TRIP11: variants seen among roughly 807,000 people sequenced by gnomAD.
TRIP11 encodes the protein thyroid receptor-interacting protein 11.
Under a neutral mutation model 223.1 loss-of-function variants are expected in TRIP11, and 148 were observed. The observed-to-expected ratio is 0.66, with a 90% CI of 0.58 to 0.76. The LOEUF is 0.76. TRIP11 is among the 30% of genes least tolerant of loss of function. The pLI, the probability that TRIP11 is intolerant of heterozygous loss-of-function variation, is 0.00. For synonymous variants in TRIP11, 762 were observed against 772.6 expected, an observed-to-expected ratio of 0.99 and a Z score of 0.23; for missense variants, 2,043 against 2,222.0, an observed-to-expected ratio of 0.92 and a Z score of 1.62.
At chr14:92,026,488 C>T (rs913551949) in intron 2 of TRIP11, 32 of 884,662 alleles carry the variant, frequency 3.6e-5, no homozygotes, top group Non-Finnish European at 5.4e-5. Flanking sequence ...TCGCCGCAGC[C>T]GGCAGCTTTA....
Position 92,025,878 on chromosome 14 carries a change from C to CAAAAAAAAAAAAAAAA in TRIP11, c.202-474_202-459dup, listed in dbSNP as rs372915026. On this transcript the variant is annotated intron_variant, in intron 2 of 20. Transcript: ENST00000267622. ...CTGGTGACAGAGCGAGACTCCGTCT[C>CAAAAAAAAAAAAAAAA]AAAAAAAAAAAAAAAAAGCACTGAC... Among the ~76,000 whole-genome samples, 2 of 74,056 alleles carry CAAAAAAAAAAAAAAAA rather than the reference C, an allele frequency of 2.7e-5. 1 individual carries two copies. The highest frequency in any genetic ancestry group is 9.3e-5 in the African/African-American group (2 of 21,488). The allele number at this position is 74,056 out of a possible 152,430, so 48.6% of individuals were successfully genotyped here.
At chr14:91,970,291 T>C (rs1056400837) in intron 20 of TRIP11, among the ~76,000 whole-genome samples, 2 of 152,058 alleles carry the variant, frequency 1.3e-5, no homozygotes, top group African/African-American at 4.8e-5. Flanking sequence ...CGGGCGCCTG[T>C]AATCCCAGCT....
chr14:91,990,949 T>C (rs1223672196), intron 15 of TRIP11, among the ~76,000 whole-genome samples: 2 of 152,320 alleles, frequency 1.3e-5, no homozygotes, highest in East Asian at 3.9e-4. Context: ...AGAAAGTAAG[T>C]ATAAATGGTC....
At chr14:91,974,818 A>G in intron 18 of TRIP11, 75 bp from the exon 19 acceptor site, 2 of 1,178,416 alleles carry the variant, frequency 1.7e-6, no homozygotes, top group Non-Finnish European at 2.4e-6. Flanking sequence ...CTTTTATATA[A>G]TTTCTGATAG....
rs142188412 is a variant in TRIP11 at position 91,970,088 on chromosome 14, A to G, written c.5720-195T>C. Among the ~76,000 whole-genome samples, 66 of 152,296 alleles carry G rather than the reference A, an allele frequency of 4.3e-4. 1 individual carries two copies. In the East Asian group the frequency reaches 0.013, roughly 29 times the overall value. On this transcript the variant is annotated intron_variant, in intron 20 of 20. Coordinates refer to ENST00000267622, the MANE Select transcript of TRIP11 (RefSeq NM_004239.4). ...CGGTAATAACACTGGCATCCAGCAC[A>G]TCTTTTTGGACTGGTCTTTATTCAA...
At chr14:92,031,079 G>A (rs1447298557) in intron 2 of TRIP11, among the ~76,000 whole-genome samples, 5 of 151,870 alleles carry the variant, frequency 3.3e-5, no homozygotes, top group African/African-American at 1.2e-4. Flanking sequence ...GCAAGACATC[G>A]TCTCTACAAA....
At position 91,981,369 on chromosome 14, in the gene TRIP11, T is replaced by TTATA. The variant is rs543782869; in HGVS notation, c.5261-5181_5261-5180insTATA. Among the ~76,000 whole-genome samples, 280 of 149,504 alleles carry TTATA rather than the reference T, an allele frequency of 1.9e-3. 1 individual carries two copies. Among genetic ancestry groups the TTATA allele is most frequent in the African/African-American group, 6.8e-3 (269 of 39,662 alleles). ...ACTATTTGCAATTTGAGGTTAAGCT[T>TTATA]TACAAGCATCTGTTTTGTCTTTTTT... On this transcript the variant is annotated intron_variant, in intron 16 of 20. Coordinates refer to ENST00000267622, the MANE Select transcript of TRIP11 (RefSeq NM_004239.4).
Position 91,990,323 on chromosome 14 carries a change from G to A in TRIP11, c.5161-1940C>T, listed in dbSNP as rs181572396. 1.3e-3 allele frequency among the ~76,000 whole-genome samples: 198 copies of A among 151,892 alleles called. 1 individual carries two copies. Among genetic ancestry groups the A allele is most frequent in the Non-Finnish European group, 2.2e-3 (151 of 67,966 alleles). On this transcript the variant is annotated intron_variant, in intron 15 of 20. Coordinates refer to ENST00000267622, the MANE Select transcript of TRIP11 (RefSeq NM_004239.4). ...TGAAGTTATTAAAGCTTAAATCTAC[G>A]CTTAGATTTTTTCCAAAATCAGCAT...
intron 16 of TRIP11, among the ~76,000 whole-genome samples, chr14:91,981,401 GT>G (rs80003668): frequency 0.019 from 2,807 of 146,698 alleles, 51 homozygotes; most frequent in South Asian, 0.083. Context: ...TTTTGTTGTT[GT>G]TTTTTTAGAC....
chr14:91,996,612 C>G (rs1410111051), intron 13 of TRIP11, among the ~76,000 whole-genome samples: 1 of 152,132 alleles, frequency 6.6e-6, no homozygotes, highest in Non-Finnish European at 1.5e-5. Context: ...GGCTAAAACT[C>G]TAAGATGTAA....
chr14:91,993,944 T>A (rs1364414076), intron 14 of TRIP11, 32 bp from the exon 15 acceptor site: 5 of 1,533,568 alleles, frequency 3.3e-6, no homozygotes, highest in Non-Finnish European at 3.6e-6. Context: ...CATTAGTATT[T>A]TGCAATCGTG....
intron 13 of TRIP11, among the ~76,000 whole-genome samples, chr14:91,997,628 C>T (rs996942614): frequency 7.2e-5 from 11 of 151,836 alleles, no homozygotes; most frequent in Admixed American, 2.0e-4. Context: ...GTTCACCCTT[C>T]AGGCAGAAGA....
In TRIP11 at chr14:92,037,622, C is replaced by T. The variant is rs527713627; in HGVS notation, c.139+1925G>A. ...GGTGCGGTGGCTCACGCCTGTAATC[C>T]CAGCACTCTGGGAGGCCAAGGCAGG... On this transcript the variant is annotated intron_variant, in intron 1 of 20. Transcript: ENST00000267622. The surrounding 1 kb of genome is among the most constrained non-coding windows in gnomAD (Gnocchi z 4.2). Among the ~76,000 whole-genome samples, 1 of 152,304 alleles carries T rather than the reference C, an allele frequency of 6.6e-6. No individual in the cohort carries two copies. Among genetic ancestry groups the T allele is most frequent in the South Asian group, 2.1e-4 (1 of 4,826 alleles).
chr14:91,984,420 A>G (rs1444135314), intron 16 of TRIP11, among the ~76,000 whole-genome samples: 2 of 150,930 alleles, frequency 1.3e-5, no homozygotes, highest in Non-Finnish European at 2.9e-5. Context: ...GGTTCAGGCA[A>G]TTCTTGTGGC....
chr14:92,000,086 T>G lies in TRIP11; in HGVS notation c.4580A>C (p.Gln1527Pro), dbSNP rs770358660. 4 of 1,613,996 alleles carry G rather than the reference T, an allele frequency of 2.5e-6. No individual in the cohort carries two copies. The highest frequency in any genetic ancestry group is 3.4e-6 in the Non-Finnish European group (4 of 1,179,958). ...CATTGATTTAACTGCATTTAAAAGC[T>G]GATTTAACTCTCCAGTCTTGCCCTT... ...KEQGKTGELNQLLNAVKSMQE... is the reference protein window; with the variant it reads ...KEQGKTGELNPLLNAVKSMQE... Residue 1527 changes from glutamine to proline, a missense_variant, in exon 12 of 21, where the codon CAG (glutamine) becomes CCG (proline). Physicochemically the swap from Gln to Pro is moderately conservative, Grantham distance 76. Coordinates refer to ENST00000267622, the MANE Select transcript of TRIP11 (RefSeq NM_004239.4).
rs1170562591 is a variant in TRIP11 at position 91,976,166 on chromosome 14, C to A, written c.5284G>T (p.Asp1762Tyr). Residue 1762 changes from aspartate (D) to tyrosine (Y), a missense_variant, in exon 17 of 21, where the codon GAT (aspartate) becomes TAT (tyrosine). Physicochemically the swap from Asp to Tyr is radical, Grantham distance 160. Coordinates refer to ENST00000267622, the MANE Select transcript of TRIP11 (RefSeq NM_004239.4). ...CTCATCAATTTCTTTTGTACATCAT[C>A]CAGCATTTCTTGTCGGAGCTCATCT... ...RQNELRQEML[D>Y]DVQKKLMSLA... 6.2e-6 allele frequency: 10 copies of A among 1,612,378 alleles called. No individual in the cohort carries two copies. The highest frequency in any genetic ancestry group is 8.5e-7 in the Non-Finnish European group (1 of 1,179,754).
intron 15 of TRIP11, among the ~76,000 whole-genome samples, chr14:91,991,769 A>C (rs1287743948): frequency 6.6e-6 from 1 of 152,076 alleles, no homozygotes; most frequent in Non-Finnish European, 1.5e-5. Flanking sequence ...TCTCATAAAC[A>C]CTATGGTAAG....
chr14:92,015,845 C>T lies in TRIP11; in HGVS notation c.674G>A (p.Arg225Gln), dbSNP rs746390355. The T allele has an allele frequency of 5.0e-5, 81 of 1,611,192 alleles. No homozygotes were observed. The highest frequency in any genetic ancestry group is 1.3e-4 in the East Asian group (6 of 44,852). Residue 225 changes from arginine to glutamine, a missense_variant, in exon 6 of 21, where the codon CGA (arginine) becomes CAA (glutamine). Physicochemically the swap from Arg to Gln is conservative, Grantham distance 43. Coordinates refer to ENST00000267622, the MANE Select transcript of TRIP11 (RefSeq NM_004239.4). ...TTGATGGTCATCAATTTCCTGACTT[C>T]GGTTCTGTTTTAGTTCCTTAAAAAA... ...QNIIKELKQN[R>Q]SQEIDDHQHE...
At chr14:92,038,117 G>T (rs1335904525) in intron 1 of TRIP11, among the ~76,000 whole-genome samples, 1 of 152,138 alleles carries the variant, frequency 6.6e-6, no homozygotes, top group Non-Finnish European at 1.5e-5. Flanking sequence ...GGAAGTAGGA[G>T]ATGAAAAAAG....
Sources: allele counts gnomAD v4.1 joint callset (sites outside exome capture counted in the v4.1 genomes callset), GRCh38; gene constraint gnomAD v4.1.1; non-coding constraint Gnocchi (gnomAD v3.1); transcripts MANE v1.5; gene names NCBI Gene and HGNC (gene_info 2026-07-23, HGNC 2026-07-21).